KCNQ3: variants seen among roughly 807,000 people sequenced by gnomAD.
The protein encoded by KCNQ3 is potassium voltage-gated channel subfamily KQT member 3.
Under a neutral mutation model 92.5 loss-of-function variants are expected in KCNQ3, and 30 were observed. That is an observed-to-expected ratio of 0.32 (90% CI 0.24 to 0.44). The LOEUF (loss-of-function observed/expected upper bound fraction) is 0.44. Ranked by LOEUF, KCNQ3 falls within the 20% of genes least tolerant of loss-of-function variation. The pLI is 1.00. For missense variants in KCNQ3, 913 were observed against 1,140.3 expected, an observed-to-expected ratio of 0.80 and a Z score of 2.87; for synonymous variants, 450 against 468.8, an observed-to-expected ratio of 0.96 and a Z score of 0.52.
chr8:132,262,999 T>C (rs1409089621), intron 1 of KCNQ3, among the ~76,000 whole-genome samples: 1 of 152,160 alleles, frequency 6.6e-6, no homozygotes, highest in African/African-American at 2.4e-5. Flanking sequence ...TGAGCAACGG[T>C]CCCAGATTCC....
intron 1 of KCNQ3, among the ~76,000 whole-genome samples, chr8:132,340,042 A>C (rs916891703): frequency 6.6e-6 from 1 of 152,180 alleles, no homozygotes; most frequent in Non-Finnish European, 1.5e-5. Context: ...AGAGAAATGC[A>C]AATCAAAACC....
intron 9 of KCNQ3, among the ~76,000 whole-genome samples, chr8:132,153,758 A>G (rs1825708147): frequency 6.6e-6 from 1 of 152,018 alleles, no homozygotes; most frequent in African/African-American, 2.4e-5. Flanking sequence ...AACATGGGTG[A>G]AAGCCTCTTT....
chr8:132,178,426 T>G (rs1433486931), intron 4 of KCNQ3, among the ~76,000 whole-genome samples: 1 of 152,236 alleles, frequency 6.6e-6, no homozygotes, highest in Non-Finnish European at 1.5e-5. Context: ...TGCTTATGTG[T>G]ATGGTATGTG....
At chr8:132,171,820 C>A (rs1410593126) in intron 7 of KCNQ3, among the ~76,000 whole-genome samples, 1 of 152,018 alleles carries the variant, frequency 6.6e-6, no homozygotes, top group Non-Finnish European at 1.5e-5. Context: ...CCTAGTGCAG[C>A]CCCAGGTCCA....
chr8:132,454,563 C>A (rs1821896402), intron 1 of KCNQ3, among the ~76,000 whole-genome samples: 1 of 152,038 alleles, frequency 6.6e-6, no homozygotes, highest in East Asian at 1.9e-4. Context: ...AATGGAGACC[C>A]AGAGGAATGA....
At chr8:132,356,009 G>A (rs541971125) in intron 1 of KCNQ3, among the ~76,000 whole-genome samples, 1 of 152,332 alleles carries the variant, frequency 6.6e-6, no homozygotes, top group South Asian at 2.1e-4. Flanking sequence ...TCACCTGAGT[G>A]TGGATGCGGT....
At chr8:132,464,700 T>G (rs2130861059) in intron 1 of KCNQ3, among the ~76,000 whole-genome samples, 1 of 152,330 alleles carries the variant, frequency 6.6e-6, no homozygotes, top group African/African-American at 2.4e-5. Flanking sequence ...ATGGAAATCT[T>G]CCCTGATCCA....
chr8:132,180,406 G>A, intron 3 of KCNQ3, 77 bp from the exon 4 acceptor site: 2 of 1,522,578 alleles, frequency 1.3e-6, no homozygotes, highest in Non-Finnish European at 9.0e-7. Flanking sequence ...CATCATAGGT[G>A]CTGTTTGCTG....
intron 1 of KCNQ3, among the ~76,000 whole-genome samples, chr8:132,261,922 A>G (rs1338820991): frequency 6.6e-6 from 1 of 152,212 alleles, no homozygotes; most frequent in Non-Finnish European, 1.5e-5. Flanking sequence ...TCATAACAGC[A>G]TTAGTCATAA....
intron 1 of KCNQ3, among the ~76,000 whole-genome samples, chr8:132,329,022 C>T (rs1311740136): frequency 6.6e-6 from 1 of 152,186 alleles, no homozygotes. Flanking sequence ...CGCTGAGTGC[C>T]TACTAAGTGC....
intron 1 of KCNQ3, among the ~76,000 whole-genome samples, chr8:132,189,343 C>T: frequency 6.6e-6 from 1 of 152,214 alleles, no homozygotes; most frequent in South Asian, 2.1e-4. Flanking sequence ...GCATGGACAA[C>T]AACCCGTTAT....
intron 7 of KCNQ3, among the ~76,000 whole-genome samples, chr8:132,171,932 G>A (rs1387216425): frequency 1.3e-5 from 2 of 152,036 alleles, no homozygotes; most frequent in African/African-American, 4.8e-5. Flanking sequence ...AAAGCAGGAG[G>A]ATGGCTTGAG....
At chr8:132,374,542 G>A (rs1292023636) in intron 1 of KCNQ3, among the ~76,000 whole-genome samples, 2 of 152,206 alleles carry the variant, frequency 1.3e-5, no homozygotes, top group Admixed American at 1.3e-4. Flanking sequence ...TTTTATTTCA[G>A]GTTCACAGGT....
At chr8:132,273,112 G>A (rs1357424784) in intron 1 of KCNQ3, among the ~76,000 whole-genome samples, 1 of 152,150 alleles carries the variant, frequency 6.6e-6, no homozygotes, top group Non-Finnish European at 1.5e-5. Context: ...GCCCCAGTAG[G>A]AACTCTATGT....
chr8:132,195,629 A>G (rs948257461), intron 1 of KCNQ3, among the ~76,000 whole-genome samples: 4 of 152,198 alleles, frequency 2.6e-5, no homozygotes, highest in Admixed American at 6.5e-5. Flanking sequence ...CCCTGTCTAA[A>G]TACAGCTATG....
chr8:132,137,289 T>G (rs1403467196), intron 12 of KCNQ3, among the ~76,000 whole-genome samples: 1 of 152,116 alleles, frequency 6.6e-6, no homozygotes, highest in Non-Finnish European at 1.5e-5. Flanking sequence ...TTGGAGCTGG[T>G]TTGATTCCCA....
intron 1 of KCNQ3, among the ~76,000 whole-genome samples, chr8:132,231,466 G>C (rs1814646530): frequency 6.6e-6 from 1 of 152,154 alleles, no homozygotes; most frequent in African/African-American, 2.4e-5. Flanking sequence ...AGGGATTTGG[G>C]GGGCAGTTAT....
At chr8:132,252,011 T>A (rs916529521) in intron 1 of KCNQ3, among the ~76,000 whole-genome samples, 2 of 152,214 alleles carry the variant, frequency 1.3e-5, no homozygotes, top group African/African-American at 4.8e-5. Context: ...TTTGTGTTGG[T>A]GTGGATCTCA....
chr8:132,197,017 T>C (rs1406720439), intron 1 of KCNQ3, among the ~76,000 whole-genome samples: 1 of 152,018 alleles, frequency 6.6e-6, no homozygotes, highest in Admixed American at 6.5e-5. Flanking sequence ...TCATGGATTT[T>C]TTTTTTTTTT....
Sources: gnomAD v4.1 joint callset for allele counts (sites outside exome capture counted in the v4.1 genomes callset) on GRCh38, gnomAD v4.1.1 for gene constraint, MANE v1.5 for transcripts, NCBI Gene and HGNC (gene_info 2026-07-23, HGNC 2026-07-21) for gene names.